Variants in NEDD4L observed in about 807,000 individuals in gnomAD.
NEDD4L encodes the protein E3 ubiquitin-protein ligase NEDD4-like.
Under a neutral mutation model 148.9 loss-of-function variants are expected in NEDD4L, and 54 were observed. The ratio of observed to expected loss-of-function variants is 0.36; its 90% CI spans 0.29 to 0.45. NEDD4L has a LOEUF of 0.45. Ranked by LOEUF, NEDD4L falls within the 20% of genes least tolerant of loss-of-function variation. The probability of loss-of-function intolerance (pLI) is 1.00; values close to 1 mark genes in which losing one functional copy is unlikely to be tolerated. For missense variants in NEDD4L, 856 were observed against 1,233.8 expected (o/e 0.69, Z 4.59); for synonymous variants, 433 against 440.7 (o/e 0.98, Z 0.22).
At chr18:58,108,380 C>A (rs549832067) in intron 1 of NEDD4L, among the ~76,000 whole-genome samples, 9 of 152,096 alleles carry the variant, frequency 5.9e-5, no homozygotes, top group African/African-American at 2.2e-4. Context: ...AATTAAACTT[C>A]TTAAGTATAC....
chr18:58,304,762 T>C (rs557056625), intron 5 of NEDD4L, among the ~76,000 whole-genome samples: 24 of 152,328 alleles, frequency 1.6e-4, no homozygotes, highest in Admixed American at 1.6e-3. Context: ...CTGATGATGT[T>C]CAAAGCTAAG....
rs145284922 is a variant in NEDD4L, at chr18:58,187,966, C to T, written c.122+22105C>T. Among the ~76,000 whole-genome samples, 690 of 152,234 alleles carry T rather than the reference C, an allele frequency of 4.5e-3. 18 individuals are homozygous for T. In the East Asian group the frequency reaches 0.08, roughly 18 times the overall value. On this transcript the variant is annotated intron_variant, in intron 2 of 30. Transcript: ENST00000400345. Reference sequence around the variant, plus strand: ...TCTGTTATCTCTTGTTTGCATTTTTCGCTACTTTGCCTCCATTTGATCCAG... The same window carrying T: ...TCTGTTATCTCTTGTTTGCATTTTTTGCTACTTTGCCTCCATTTGATCCAG...
At chr18:58,365,641 C>T (rs531117949) in intron 20 of NEDD4L, among the ~76,000 whole-genome samples, 1 of 152,314 alleles carries the variant, frequency 6.6e-6, no homozygotes, top group South Asian at 2.1e-4. Context: ...GTTTTGACTA[C>T]CTGGGCTAAA....
intron 5 of NEDD4L, among the ~76,000 whole-genome samples, chr18:58,300,127 T>C (rs1308414207): frequency 1.3e-5 from 2 of 152,228 alleles, no homozygotes; most frequent in Non-Finnish European, 2.9e-5. Flanking sequence ...TTACTAGGCC[T>C]TTCTGTGTTT....
Position 58,120,849 on chromosome 18 carries a change from T to TC in NEDD4L, c.49-44932dup, listed in dbSNP as rs556332213. Among the ~76,000 whole-genome samples, 29 of 151,710 alleles carry TC rather than the reference T, an allele frequency of 1.9e-4. No individual in the cohort carries two copies. In the South Asian group the frequency reaches 4.6e-3, roughly 24 times the overall value. On this transcript the variant is annotated intron_variant, in intron 1 of 30. Coordinates refer to ENST00000400345, the MANE Select transcript of NEDD4L (RefSeq NM_001144967.3). ...ATTTTCTTTAGTCCAACAGATGTAA[T>TC]CCCCCCCTCACTCCCCCATCCCCAC...
chr18:58,335,562 C>G (rs767794150), intron 13 of NEDD4L, 25 bp downstream of exon 13: 3 of 1,581,258 alleles, frequency 1.9e-6, no homozygotes, highest in African/African-American at 1.3e-5. Context: ...TATCAGACAT[C>G]AATAGCAAGA....
At chr18:58,128,570 C>G (rs2031542539) in intron 1 of NEDD4L, among the ~76,000 whole-genome samples, 1 of 152,196 alleles carries the variant, frequency 6.6e-6, no homozygotes, top group Non-Finnish European at 1.5e-5. Context: ...TGTCCCTCTT[C>G]CATTGGATAC....
intron 1 of NEDD4L, among the ~76,000 whole-genome samples, chr18:58,064,215 C>T (rs1301386775): frequency 2.0e-5 from 3 of 152,100 alleles, no homozygotes; most frequent in African/African-American, 4.8e-5. Context: ...CTGCCCGTCT[C>T]GGCTTCCCAA....
chr18:58,331,430 C>T (rs1431952560), intron 11 of NEDD4L, among the ~76,000 whole-genome samples: 2 of 152,192 alleles, frequency 1.3e-5, no homozygotes, highest in South Asian at 2.1e-4. Flanking sequence ...AAGACGTCTC[C>T]TAAGTCCCAG....
intron 2 of NEDD4L, among the ~76,000 whole-genome samples, chr18:58,184,314 C>A (rs536361536): frequency 6.6e-6 from 1 of 151,278 alleles, no homozygotes; most frequent in African/African-American, 2.4e-5. Context: ...CTCTACCCTC[C>A]TCTCCTGCTC....
At chr18:58,185,480 A>G (rs1384722530) in intron 2 of NEDD4L, among the ~76,000 whole-genome samples, 1 of 152,268 alleles carries the variant, frequency 6.6e-6, no homozygotes, top group Non-Finnish European at 1.5e-5. Flanking sequence ...ACAGACAAGC[A>G]GGAACATACT....
intron 2 of NEDD4L, among the ~76,000 whole-genome samples, chr18:58,184,198 A>G (rs1174764272): frequency 6.6e-6 from 1 of 152,072 alleles, no homozygotes; most frequent in African/African-American, 2.4e-5. Context: ...GGAGGGAATG[A>G]GGGTGTCCTG....
rs117661876 is a variant in NEDD4L, at chr18:58,364,569, A to G, written c.1833+236A>G. On this transcript the variant is annotated intron_variant, in intron 20 of 30. Coordinates refer to ENST00000400345, the MANE Select transcript of NEDD4L (RefSeq NM_001144967.3). Reference sequence around the variant, plus strand: ...CAAATCACCTGAAGGGTAATTTCCTATGTAATACATAAAAAGACAGGAATG... The same window carrying G: ...CAAATCACCTGAAGGGTAATTTCCTGTGTAATACATAAAAAGACAGGAATG... Among the ~76,000 whole-genome samples, 126 of 152,332 alleles carry G rather than the reference A, an allele frequency of 8.3e-4. 3 individuals are homozygous for G. The East Asian group carries it at 0.022, about 26-fold the overall frequency.
chr18:58,268,632 G>A (rs562669075), intron 5 of NEDD4L, among the ~76,000 whole-genome samples: 40 of 152,186 alleles, frequency 2.6e-4, no homozygotes, highest in South Asian at 8.3e-4. Flanking sequence ...GATGGGTAGC[G>A]GAGAGTTTTT....
rs565679087 is a variant in NEDD4L, at chr18:58,180,143, G to A, written c.122+14282G>A. Among the ~76,000 whole-genome samples the A allele has an allele frequency of 9.9e-5, 15 of 152,270 alleles. No individual in the cohort carries two copies. In the South Asian group the frequency reaches 1.0e-3, roughly 11 times the overall value. ...TGACTGTGCATTGCCCTGGGTGAAC[G>A]GGGGCACAGAGGTCTTTGTGACGCC... On this transcript the variant is annotated intron_variant, in intron 2 of 30. Transcript: ENST00000400345.
chr18:58,294,478 C>T (rs1402567276), intron 5 of NEDD4L, among the ~76,000 whole-genome samples: 1 of 152,110 alleles, frequency 6.6e-6, no homozygotes, highest in African/African-American at 2.4e-5. Context: ...AATATGGCAG[C>T]CCTGGAATGA....
At chr18:58,081,634 G>A (rs2083440418) in intron 1 of NEDD4L, among the ~76,000 whole-genome samples, 2 of 152,136 alleles carry the variant, frequency 1.3e-5, no homozygotes, top group East Asian at 3.8e-4. Flanking sequence ...AAAACACACA[G>A]AATCTCGTAT....
chr18:58,071,876 A>G (rs1264965511), intron 1 of NEDD4L, among the ~76,000 whole-genome samples: 1 of 152,204 alleles, frequency 6.6e-6, no homozygotes, highest in Non-Finnish European at 1.5e-5. Flanking sequence ...ATTCAGTACC[A>G]TGAGAACAGT....
At chr18:58,233,798 T>G (rs910997245) in intron 2 of NEDD4L, among the ~76,000 whole-genome samples, 1 of 152,206 alleles carries the variant, frequency 6.6e-6, no homozygotes, top group Non-Finnish European at 1.5e-5. Flanking sequence ...AGTCTGAAAT[T>G]AAGAGTCAGC....
Sources: allele counts gnomAD v4.1 joint callset (sites outside exome capture counted in the v4.1 genomes callset), GRCh38; gene constraint gnomAD v4.1.1; transcripts MANE v1.5; gene names NCBI Gene and HGNC (gene_info 2026-07-23, HGNC 2026-07-21).